ZP3: variants seen among roughly 807,000 people sequenced by gnomAD.
The protein encoded by ZP3 is zona pellucida sperm-binding protein 3.
In ZP3, 21 loss-of-function variants were observed where a neutral mutation model predicts 35.6. The ratio of observed to expected loss-of-function variants is 0.59; its 90% CI spans 0.42 to 0.85. ZP3 has a LOEUF of 0.85. Among genes scored for constraint, ZP3 ranks in the 40% least tolerant of loss-of-function variants. The pLI is 0.00. For synonymous variants in ZP3, 207 were observed against 214.5 expected (o/e 0.96, Z 0.31); for missense variants, 437 against 536.5 (o/e 0.81, Z 1.83).
In ZP3 at chr7:76,400,345, C is replaced by T; in HGVS notation, c.-67+2548C>T. 3.9e-6 allele frequency: 6 copies of T among 1,531,974 alleles called. No individual in the cohort carries two copies. The Admixed American group carries it at 6.2e-5, about 16-fold the overall frequency. The allele number at this position is 1,531,974 out of a possible 1,614,324, so 94.9% of individuals were successfully genotyped here. ...GCAATTGTGGACGCCCCAGCCGCGGCTGCCGCACTCGCTCAGCGCAGCTTC... is the reference window on the plus strand; with the variant it reads ...GCAATTGTGGACGCCCCAGCCGCGGTTGCCGCACTCGCTCAGCGCAGCTTC... On this transcript the variant is annotated intron_variant, in intron 1 of 8. Coordinates refer to the ZP3 transcript ENST00000336517.
intron 1 of ZP3, chr7:76,397,876 C>T (rs1448020526): frequency 1.4e-6 from 2 of 1,472,748 alleles, no homozygotes; most frequent in Non-Finnish European, 1.8e-6. Context: ...CCACTGGCCT[C>T]TGCCCCCGTC....
chr7:76,421,625 T>C (rs949062877), upstream of ZP3, among the ~76,000 whole-genome samples: 3 of 150,994 alleles, frequency 2.0e-5, no homozygotes, highest in Non-Finnish European at 4.4e-5. Flanking sequence ...TTTTTTGAGA[T>C]GGAGTCTCGC....
chr7:76,398,187 T>C (rs1460780935), intron 1 of ZP3, among the ~76,000 whole-genome samples: 1 of 152,138 alleles, frequency 6.6e-6, no homozygotes, highest in Non-Finnish European at 1.5e-5. Flanking sequence ...CTTCTTTGCC[T>C]CTTTCACTGT....
chr7:76,413,389 C>T (rs764888701), intron 1 of ZP3, among the ~76,000 whole-genome samples: 24 of 149,428 alleles, frequency 1.6e-4, no homozygotes, highest in Non-Finnish European at 2.8e-4. Context: ...CAGCTTCCTG[C>T]GTAGCTGGGA....
In ZP3 at chr7:76,432,612, A is replaced by G. The variant is rs536467993; in HGVS notation, c.432-315A>G. Among the ~76,000 whole-genome samples the G allele has an allele frequency of 1.4e-4, 22 of 152,276 alleles. No individual in the cohort carries two copies. The South Asian group carries it at 4.6e-3, about 32-fold the overall frequency. On this transcript the variant is annotated intron_variant, in intron 2 of 7. Coordinates refer to ENST00000394857, the MANE Select transcript of ZP3 (RefSeq NM_001110354.2). ...ATTACAGGCATGAGCCACCGCACTC[A>G]GGTCCAGGGCTCAAGAGGGAGCAGA... is the stretch of plus-strand genomic sequence containing the variant.
chr7:76,410,558 T>C (rs1805215577), intron 1 of ZP3, among the ~76,000 whole-genome samples: 2 of 151,084 alleles, frequency 1.3e-5, no homozygotes, highest in Admixed American at 1.3e-4. Flanking sequence ...ATCAAACAAA[T>C]TGGGGACCAG....
rs1228649670 is a variant in ZP3 at position 76,440,673 on chromosome 7, G to A, written c.1060+62G>A. 9 of 1,549,654 alleles carry A rather than the reference G, an allele frequency of 5.8e-6. No individual in the cohort carries two copies. In the Admixed American group the frequency reaches 7.8e-5, roughly 13 times the overall value. ...CCTTACTCAGTTGAGGGTACCTGCTGTCATTTCAGGGTGATGGTATTTTCC... is the reference window on the plus strand; with the variant it reads ...CCTTACTCAGTTGAGGGTACCTGCTATCATTTCAGGGTGATGGTATTTTCC... On this transcript the variant is annotated intron_variant, in intron 7 of 7. Transcript: ENST00000394857.
intron 1 of ZP3, among the ~76,000 whole-genome samples, chr7:76,402,324 C>T (rs569286712): frequency 2.6e-5 from 4 of 151,852 alleles, no homozygotes; most frequent in East Asian, 1.9e-4. Context: ...GGACTGCAGG[C>T]GCACACCGCC....
chr7:76,405,271 T>TTTTATATATATATA (rs1287607628), intron 1 of ZP3, among the ~76,000 whole-genome samples: 3 of 9,136 alleles, frequency 3.3e-4, no homozygotes, highest in Non-Finnish European at 5.3e-4. Context: ...ACCCAGCTAA[T>TTTTATATATATATA]TATATATATA....
intron 1 of ZP3, chr7:76,400,295 G>A: frequency 6.7e-7 from 1 of 1,491,490 alleles, no homozygotes; most frequent in Non-Finnish European, 8.9e-7. Flanking sequence ...CCATCACACA[G>A]GACAGCCACA....
chr7:76,408,689 C>G (rs996474696), intron 1 of ZP3, among the ~76,000 whole-genome samples: 8 of 152,194 alleles, frequency 5.3e-5, no homozygotes, highest in Admixed American at 3.9e-4. Context: ...GCCAAGCCTG[C>G]CTCCTACCCT....
At chr7:76,408,425 G>T (rs76141960) in intron 1 of ZP3, among the ~76,000 whole-genome samples, 12 of 151,926 alleles carry the variant, frequency 7.9e-5, no homozygotes, top group Admixed American at 1.3e-4. Flanking sequence ...TGCTTGTTGT[G>T]GGGGGGCACA....
intron 7 of ZP3, 124 bp downstream of exon 7, chr7:76,440,735 C>A (rs1806173361): frequency 2.1e-6 from 3 of 1,449,938 alleles, no homozygotes; most frequent in Non-Finnish European, 1.8e-6. Flanking sequence ...CCTAGGCCTG[C>A]AGCTACCTTT....
At chr7:76,406,450 TAA>T (rs1805035209) in intron 1 of ZP3, among the ~76,000 whole-genome samples, 1 of 151,470 alleles carries the variant, frequency 6.6e-6, no homozygotes, top group Admixed American at 6.6e-5. Context: ...CCTTTCAAAT[TAA>T]TTAATTAATT....
At chr7:76,431,319 C>G (rs535992842) in intron 2 of ZP3, among the ~76,000 whole-genome samples, 8 of 152,278 alleles carry the variant, frequency 5.3e-5, no homozygotes, top group East Asian at 3.9e-4. Flanking sequence ...ACTTCAGTCT[C>G]TGGGCCTGAC....
At chr7:76,426,320 C>G (rs1805650608) in intron 1 of ZP3, among the ~76,000 whole-genome samples, 1 of 152,298 alleles carries the variant, frequency 6.6e-6, no homozygotes, top group East Asian at 1.9e-4. Flanking sequence ...GCTGGGCACA[C>G]AGCTCCCCAG....
chr7:76,400,348 C>T lies in ZP3; in HGVS notation c.-67+2551C>T, dbSNP rs142522233. 4 of 1,534,898 alleles carry T rather than the reference C, an allele frequency of 2.6e-6. No individual in the cohort carries two copies. The highest frequency in any genetic ancestry group is 2.8e-5 in the African/African-American group (2 of 71,356). ...ATTGTGGACGCCCCAGCCGCGGCTG[C>T]CGCACTCGCTCAGCGCAGCTTCCTG... On this transcript the variant is annotated intron_variant, in intron 1 of 8. Transcript: ENST00000336517.
At chr7:76,409,333 A>AGT (rs1563689278) in intron 1 of ZP3, 14 of 137,334 alleles carry the variant, frequency 1.0e-4, no homozygotes, top group African/African-American at 3.2e-4. Context: ...TCACACACAC[A>AGT]CACACACACA....
At chr7:76,400,900 C>G (rs1804802304) in intron 1 of ZP3, 5 of 1,436,956 alleles carry the variant, frequency 3.5e-6, no homozygotes, top group Non-Finnish European at 4.8e-6. Flanking sequence ...ATGGGGGCAT[C>G]TAGAGTCAAG....
Sources: gnomAD v4.1 joint callset for allele counts (sites outside exome capture counted in the v4.1 genomes callset) on GRCh38, gnomAD v4.1.1 for gene constraint, MANE v1.5 for transcripts, NCBI Gene and HGNC (gene_info 2026-07-23, HGNC 2026-07-21) for gene names.